SURF2: variants seen among roughly 807,000 people sequenced by gnomAD.
SURF2 encodes the protein surfeit locus protein 2.
SURF2 carries 32 observed loss-of-function variants against 26.2 expected under a neutral mutation model. The observed-to-expected ratio is 1.22, with a 90% CI of 0.92 to 1.64. The LOEUF is 1.64. Among genes scored for constraint, SURF2 ranks in the 40% most tolerant of loss-of-function variants. The probability of loss-of-function intolerance (pLI) is 0.00; values close to 1 mark genes in which losing one functional copy is unlikely to be tolerated. For synonymous variants in SURF2, 173 were observed against 139.1 expected (o/e 1.24, Z -1.71); for missense variants, 415 against 341.6 (o/e 1.21, Z -1.69).
chr9:133,357,076 G>T lies in SURF2; in HGVS notation c.233+8G>T, dbSNP rs1836626827. 1.3e-6 allele frequency: 2 copies of T among 1,558,352 alleles called. No homozygotes were observed. The highest frequency in any genetic ancestry group is 1.7e-6 in the Non-Finnish European group (2 of 1,151,226). ...GCCCAGCACCAAGAACCCGTAGGTG[G>T]TCCGCGGCGGCGCGGGGAGGCCCAG... On this transcript the variant is annotated splice_region_variant and intron_variant, in intron 2 of 5. Transcript: ENST00000371964.
chr9:133,361,118 C>T lies in SURF2; in HGVS notation c.750C>T (p.Ser250=), dbSNP rs1836769787. Residue 250 remains serine (S), a synonymous_variant, in exon 6 of 6, where the codon AGC becomes AGT. Coordinates refer to ENST00000371964, the MANE Select transcript of SURF2 (RefSeq NM_017503.5). ...KSHHRKPKSF[S]SCKQPG is the part of the protein sequence containing the mutation. The stretch of plus-strand genomic sequence containing the variant: ...ATCACCGCAAACCCAAGAGCTTCAG[C>T]TCCTGTAAACAGCCAGGTTAATAAA... 1 of 1,614,088 alleles carries T rather than the reference C, an allele frequency of 6.2e-7. No homozygotes were observed. The highest frequency in any genetic ancestry group is 1.1e-5 in the South Asian group (1 of 91,090).
rs782643445 is a variant in SURF2, at chr9:133,360,051, C to G, written c.439C>G (p.Arg147Gly). The G allele has an allele frequency of 1.2e-6, 2 of 1,614,024 alleles. No homozygotes were observed. The highest frequency in any genetic ancestry group is 1.7e-6 in the Non-Finnish European group (2 of 1,179,942). The change falls in exon 4 of 6, where the codon CGG (arginine) becomes GGG (glycine). Residue 147 changes from arginine (R) to glycine (G), a missense_variant. Arg to Gly is a moderately radical substitution (Grantham distance 125). Transcript: ENST00000371964. ...DQMDGDGPRPREAFWEPTSSD... is the reference protein window; with the variant it reads ...DQMDGDGPRPGEAFWEPTSSD... The stretch of plus-strand genomic sequence containing the variant: ...GATGGACGGTGACGGGCCTCGCCCG[C>G]GGGAAGCCTTCTGGGAGCCCACATC...
intron 1 of SURF2, 113 bp downstream of exon 1, chr9:133,356,783 G>A: frequency 1.4e-6 from 2 of 1,417,634 alleles, no homozygotes. Flanking sequence ...GGGGAGAGCA[G>A]GAGAGAGGGG....
At chr9:133,356,860 C>T in intron 1 of SURF2, 54 bp from the exon 2 acceptor site, 1 of 1,491,136 alleles carries the variant, frequency 6.7e-7, no homozygotes, top group Non-Finnish European at 8.9e-7. Flanking sequence ...GGAGGGGGCA[C>T]CAGGGAGCGG....
At chr9:133,360,758 C>T (rs988927703) in intron 5 of SURF2, among the ~76,000 whole-genome samples, 1 of 152,234 alleles carries the variant, frequency 6.6e-6, no homozygotes, top group Non-Finnish European at 1.5e-5. Context: ...TAGCCACCAC[C>T]TTTGCCTTTG....
intron 3 of SURF2, among the ~76,000 whole-genome samples, 182 bp from the exon 4 acceptor site, chr9:133,359,768 C>T (rs920536874): frequency 2.0e-5 from 3 of 152,244 alleles, no homozygotes; most frequent in Non-Finnish European, 2.9e-5. Flanking sequence ...GCAGCCCTGG[C>T]CCACCACCCT....
rs2130031600 is a variant in SURF2, at chr9:133,356,967, G to T, written c.132G>T (p.Gln44His). 6.4e-7 allele frequency: 1 copy of T among 1,570,730 alleles called. No homozygotes were observed. The highest frequency in any genetic ancestry group is 1.2e-5 in the South Asian group (1 of 85,724). The change falls in exon 2 of 6, where the codon CAG becomes CAT. Residue 44 changes from glutamine (Q) to histidine (H), a missense_variant. Gln to His is a conservative substitution (Grantham distance 24). Transcript: ENST00000371964. Reference sequence around the variant, plus strand: ...TGCCCTGCCGCCTGCCGGAGCTCCAGGTCTACACCCGCGGCAAAAAGTACC... The same window carrying T: ...TGCCCTGCCGCCTGCCGGAGCTCCATGTCTACACCCGCGGCAAAAAGTACC... ...HELPCRLPELQVYTRGKKYQR... is the reference protein window; with the variant it reads ...HELPCRLPELHVYTRGKKYQR...
chr9:133,359,132 T>C (rs1836683745), intron 3 of SURF2, among the ~76,000 whole-genome samples: 1 of 152,136 alleles, frequency 6.6e-6, no homozygotes, highest in Non-Finnish European at 1.5e-5. Context: ...GATGGTGGAC[T>C]GTGGAGCTGA....
chr9:133,361,099 G>C lies in SURF2; in HGVS notation c.731G>C (p.Arg244Pro). 2 of 1,614,144 alleles carry C rather than the reference G, an allele frequency of 1.2e-6. No individual in the cohort carries two copies. The highest frequency in any genetic ancestry group is 1.7e-6 in the Non-Finnish European group (2 of 1,180,016). The stretch of plus-strand genomic sequence containing the variant: ...AAAAAGAAGTTCAAGAGTCATCACC[G>C]CAAACCCAAGAGCTTCAGCTCCTGT... ...SLKKKFKSHH[R>P]KPKSFSSCKQ... Residue 244 changes from arginine to proline, a missense_variant, in exon 6 of 6, where the codon CGC becomes CCC. By Grantham distance (103) the Arg-to-Pro change is moderately radical. Coordinates refer to ENST00000371964, the MANE Select transcript of SURF2 (RefSeq NM_017503.5).
intron 3 of SURF2, among the ~76,000 whole-genome samples, chr9:133,358,681 C>G (rs1836674257): frequency 6.6e-6 from 1 of 152,080 alleles, no homozygotes; most frequent in African/African-American, 2.4e-5. Flanking sequence ...ACACAGAGGC[C>G]CCTGGCAACC....
chr9:133,359,816 G>A, intron 3 of SURF2, 134 bp from the exon 4 acceptor site: 4 of 1,075,808 alleles, frequency 3.7e-6, no homozygotes, highest in Non-Finnish European at 5.2e-6. Context: ...GAGGCACCCA[G>A]CAGCTGCTCT....
chr9:133,358,554 C>T (rs1836671890), intron 3 of SURF2, among the ~76,000 whole-genome samples: 1 of 152,142 alleles, frequency 6.6e-6, no homozygotes, highest in African/African-American at 2.4e-5. Flanking sequence ...TCTGGGTGAG[C>T]ACCCGGCGAG....
intron 1 of SURF2, 119 bp from the exon 2 acceptor site, chr9:133,356,795 G>A (rs1836611514): frequency 1.4e-6 from 2 of 1,422,754 alleles, no homozygotes; most frequent in Admixed American, 2.4e-5. Flanking sequence ...AGAGAGGGGA[G>A]GGCAGGGGAG....
intron 2 of SURF2, 110 bp from the exon 3 acceptor site, chr9:133,357,601 C>G: frequency 2.9e-6 from 3 of 1,034,564 alleles, no homozygotes; most frequent in South Asian, 3.0e-5. Context: ...TTTAAAAGCC[C>G]GATGTCCAAG....
Position 133,360,542 on chromosome 9 carries a change from CCAA to C in SURF2, c.687+114_687+116del. The C allele has an allele frequency of 3.8e-6, 5 of 1,319,488 alleles. No individual in the cohort carries two copies. The East Asian group carries it at 7.6e-5, about 20-fold the overall frequency. 81.7% of individuals were successfully genotyped at this position (1,319,488 alleles called of 1,614,324 possible). On this transcript the variant is annotated intron_variant, in intron 5 of 5. Coordinates refer to ENST00000371964, the MANE Select transcript of SURF2 (RefSeq NM_017503.5). ...CCTTTTTCACAAGTGAAATCCCAAG[CCAA>C]CAACACACAAGAACCATAGAAGCCG... is the stretch of plus-strand genomic sequence containing the variant.
intron 3 of SURF2, among the ~76,000 whole-genome samples, chr9:133,358,233 G>A (rs1179265971): frequency 6.6e-6 from 1 of 152,122 alleles, no homozygotes; most frequent in East Asian, 1.9e-4. Context: ...TGTGTTGGCT[G>A]AGGTAGGCTC....
At chr9:133,358,683 C>G (rs1564353590) in intron 3 of SURF2, among the ~76,000 whole-genome samples, 1 of 152,140 alleles carries the variant, frequency 6.6e-6, no homozygotes, top group Non-Finnish European at 1.5e-5. Context: ...ACAGAGGCCC[C>G]TGGCAACCTT....
In SURF2 at chr9:133,357,079, C is replaced by T; in HGVS notation, c.233+11C>T. 4 of 1,551,442 alleles carry T rather than the reference C, an allele frequency of 2.6e-6. No individual in the cohort carries two copies. Among genetic ancestry groups the T allele is most frequent in the Non-Finnish European group, 3.5e-6 (4 of 1,147,282 alleles). On this transcript the variant is annotated intron_variant, in intron 2 of 5. Coordinates refer to ENST00000371964, the MANE Select transcript of SURF2 (RefSeq NM_017503.5). Reference sequence around the variant, plus strand: ...CAGCACCAAGAACCCGTAGGTGGTCCGCGGCGGCGCGGGGAGGCCCAGGGC... The same window carrying T: ...CAGCACCAAGAACCCGTAGGTGGTCTGCGGCGGCGCGGGGAGGCCCAGGGC...
At chr9:133,357,398 C>T (rs1295141208) in intron 2 of SURF2, among the ~76,000 whole-genome samples, 3 of 152,238 alleles carry the variant, frequency 2.0e-5, no homozygotes, top group Non-Finnish European at 2.9e-5. Context: ...TTGTAATAAT[C>T]GTCAAAACAG....
Sources: allele counts gnomAD v4.1 joint callset (sites outside exome capture counted in the v4.1 genomes callset), GRCh38; gene constraint gnomAD v4.1.1; transcripts MANE v1.5; gene names NCBI Gene and HGNC (gene_info 2026-07-23, HGNC 2026-07-21).